The following CHSY1 variants were observed in gnomAD, a reference collection of about 807,000 sequenced individuals.
CHSY1 encodes N-acetylgalactosaminyl-proteoglycan 3-beta-glucuronosyltransferase 1.
CHSY1 carries 13 observed loss-of-function variants against 59.8 expected under a neutral mutation model. The observed-to-expected ratio is 0.22, with a 90% CI of 0.14 to 0.35. The LOEUF (loss-of-function observed/expected upper bound fraction) is 0.35, where lower values mean the gene tolerates loss of function less well. CHSY1 is among the 10% of genes least tolerant of loss of function. The pLI is 1.00. For missense variants in CHSY1, 947 were observed against 1,030.6 expected (o/e 0.92, Z 1.11); for synonymous variants, 459 against 401.2 (o/e 1.14, Z -1.72).
intron 1 of CHSY1, among the ~76,000 whole-genome samples, chr15:101,244,663 C>G (rs77342673): frequency 6.6e-6 from 1 of 152,208 alleles, no homozygotes; most frequent in African/African-American, 2.4e-5. Context: ...GCTACACAAA[C>G]ATACACTTTT....
At chr15:101,190,054 T>C (rs186937615) in intron 2 of CHSY1, among the ~76,000 whole-genome samples, 1 of 151,842 alleles carries the variant, frequency 6.6e-6, no homozygotes, top group Non-Finnish European at 1.5e-5. Flanking sequence ...ATGCCACAGG[T>C]TTGGACCCTA....
At chr15:101,233,761 G>T (rs970742273) in intron 2 of CHSY1, among the ~76,000 whole-genome samples, 2 of 152,168 alleles carry the variant, frequency 1.3e-5, no homozygotes, top group Non-Finnish European at 2.9e-5. Flanking sequence ...CTGTATGCTT[G>T]AAAATGTCCA....
At chr15:101,184,923 C>A (rs2038334621) in intron 2 of CHSY1, among the ~76,000 whole-genome samples, 1 of 152,326 alleles carries the variant, frequency 6.6e-6, no homozygotes, top group East Asian at 1.9e-4. Context: ...CTGTAATGAT[C>A]TTTAAAAAAA....
At chr15:101,209,633 A>G (rs1199603401) in intron 2 of CHSY1, among the ~76,000 whole-genome samples, 1 of 152,234 alleles carries the variant, frequency 6.6e-6, no homozygotes, top group Non-Finnish European at 1.5e-5. Context: ...CTATGCAACA[A>G]TAAGAAATGT....
intron 1 of CHSY1, among the ~76,000 whole-genome samples, chr15:101,249,173 C>T (rs186563555): frequency 6.6e-6 from 1 of 151,870 alleles, no homozygotes; most frequent in Admixed American, 6.6e-5. Flanking sequence ...ATACCGTAAC[C>T]ATGAAAATGT....
intron 2 of CHSY1, among the ~76,000 whole-genome samples, chr15:101,196,958 A>G (rs758824647): frequency 1.3e-5 from 2 of 152,266 alleles, no homozygotes; most frequent in Non-Finnish European, 2.9e-5. Flanking sequence ...TTCCTAGAAC[A>G]AAAAGGGGCA....
intron 1 of CHSY1, among the ~76,000 whole-genome samples, chr15:101,242,218 A>T (rs2039009952): frequency 6.6e-6 from 1 of 152,212 alleles, no homozygotes; most frequent in South Asian, 2.1e-4. Context: ...CAAGAAAATG[A>T]GACCAAAGAA....
intron 2 of CHSY1, among the ~76,000 whole-genome samples, chr15:101,198,353 CG>C (rs921623594): frequency 1.3e-5 from 2 of 152,152 alleles, no homozygotes; most frequent in African/African-American, 2.4e-5. Flanking sequence ...AAAGCCATCC[CG>C]TTACTGGACA....
At chr15:101,227,421 T>C (rs553688600) in intron 2 of CHSY1, among the ~76,000 whole-genome samples, 3 of 152,266 alleles carry the variant, frequency 2.0e-5, no homozygotes, top group African/African-American at 2.4e-5. Flanking sequence ...AGGCAATTGT[T>C]GAATGCAGCA....
intron 1 of CHSY1, among the ~76,000 whole-genome samples, chr15:101,248,124 G>C (rs928239366): frequency 1.3e-5 from 2 of 152,140 alleles, no homozygotes; most frequent in Non-Finnish European, 2.9e-5. Context: ...GTAAAGCTCA[G>C]CACATCGATT....
intron 2 of CHSY1, among the ~76,000 whole-genome samples, chr15:101,221,200 T>G (rs1355311324): frequency 3.3e-5 from 5 of 152,166 alleles, no homozygotes; most frequent in Admixed American, 1.3e-4. Flanking sequence ...TTTTTAAAAA[T>G]ATATATTAAC....
At chr15:101,196,217 G>A (rs1382136546) in intron 2 of CHSY1, among the ~76,000 whole-genome samples, 4 of 142,372 alleles carry the variant, frequency 2.8e-5, no homozygotes, top group East Asian at 2.0e-4. Context: ...GTGACAGAGC[G>A]AGAAGCAGTC....
In CHSY1 at chr15:101,178,085, A is replaced by G. The variant is rs2038218051; in HGVS notation, c.1712T>C (p.Leu571Pro). 1 of 1,614,220 alleles carries G rather than the reference A, an allele frequency of 6.2e-7. No homozygotes were observed. The highest frequency in any genetic ancestry group is 8.5e-7 in the Non-Finnish European group (1 of 1,180,026). ...PNQNVKLVVLLFNSDSNPDKA... is the reference protein window; with the variant it reads ...PNQNVKLVVLPFNSDSNPDKA... ...GTCAGGGTTGGAGTCAGAATTGAAA[A>G]GCAGAACCACGAGCTTGACGTTCTG... Residue 571 changes from leucine (L) to proline (P), a missense_variant, in exon 3 of 3, where the codon CTT becomes CCT. Physicochemically the swap from Leu to Pro is moderately conservative, Grantham distance 98 (BLOSUM62 -3). Transcript: ENST00000254190.
intron 2 of CHSY1, among the ~76,000 whole-genome samples, chr15:101,196,816 G>C (rs35050682): frequency 0.092 from 14,035 of 152,248 alleles, 763 homozygotes; most frequent in East Asian, 0.21. Context: ...TAGAGCTCAG[G>C]AGCTCGAGGA....
intron 2 of CHSY1, among the ~76,000 whole-genome samples, chr15:101,222,794 G>C (rs1314874430): frequency 6.6e-6 from 1 of 152,070 alleles, no homozygotes; most frequent in Non-Finnish European, 1.5e-5. Flanking sequence ...TGGTGGGGGG[G>C]GTACCTGACA....
At chr15:101,206,274 G>A (rs2141257367) in intron 2 of CHSY1, among the ~76,000 whole-genome samples, 1 of 152,300 alleles carries the variant, frequency 6.6e-6, no homozygotes, top group East Asian at 1.9e-4. Flanking sequence ...AGACAGACAA[G>A]GGAAAACCCA....
chr15:101,246,282 A>AAAAC (rs1178724284), intron 1 of CHSY1, among the ~76,000 whole-genome samples: 3 of 152,292 alleles, frequency 2.0e-5, no homozygotes, highest in African/African-American at 7.2e-5. Context: ...GGTAAGAACC[A>AAAAC]AAACAAACAA....
rs779415901 is a variant in CHSY1 at position 101,176,315 on chromosome 15, A to G, written c.*1073T>C. 7.5e-6 allele frequency: 3 copies of G among 398,506 alleles called. No individual in the cohort carries two copies. The highest frequency in any genetic ancestry group is 4.4e-5 in the Admixed American group (1 of 22,724). 24.7% of individuals were successfully genotyped at this position (398,506 alleles called of 1,614,324 possible). A position where few individuals can be genotyped will look rare whatever the true frequency, so the allele number is the denominator to read the frequency against. Reference sequence around the variant, plus strand: ...CCATCTCCACCCACATAACACAGACAGGATGAAAGGAACAAAACCAAATAC... The same window carrying G: ...CCATCTCCACCCACATAACACAGACGGGATGAAAGGAACAAAACCAAATAC... On this transcript the variant is annotated 3_prime_UTR_variant, in exon 3 of 3. Coordinates refer to ENST00000254190, the MANE Select transcript of CHSY1 (RefSeq NM_014918.5).
In CHSY1 at chr15:101,251,287, T is replaced by C. The variant is rs1242886441; in HGVS notation, c.170A>G (p.Gln57Arg). The C allele has an allele frequency of 3.1e-5, 39 of 1,246,628 alleles. No homozygotes were observed. The highest frequency in any genetic ancestry group is 3.8e-5 in the Non-Finnish European group (38 of 999,120). The allele number at this position is 1,246,628 out of a possible 1,614,324, so 77.2% of individuals were successfully genotyped here. The change falls in exon 1 of 3, where the codon CAG becomes CGG. Residue 57 changes from glutamine (Q) to arginine (R), a missense_variant. This residue lies in a region of CHSY1 where 232 missense variants were observed against 188.5 expected (regional missense o/e 1.23). Coordinates refer to ENST00000254190, the MANE Select transcript of CHSY1 (RefSeq NM_014918.5). Reference protein sequence around the residue: ...GCRSGQAAASQAGGARGDARG... With the variant: ...GCRSGQAAASRAGGARGDARG... ...CGCATCGCCGCGCGCCCCGCCGGCC[T>C]GGGAAGCCGCCGCCTGCCCGGACCG...
Sources: gnomAD v4.1 joint callset for allele counts (sites outside exome capture counted in the v4.1 genomes callset) on GRCh38, gnomAD v4.1.1 for gene constraint, gnomAD v4.1.1 regional missense constraint, MANE v1.5 for transcripts, NCBI Gene and HGNC (gene_info 2026-07-23, HGNC 2026-07-21) for gene names.